CDH23: variants seen among roughly 807,000 people sequenced by gnomAD.
The protein encoded by CDH23 is cadherin-23.
A neutral mutation model predicts 317.1 loss-of-function variants in CDH23; 189 were observed. The observed-to-expected ratio is 0.60, with a 90% CI of 0.53 to 0.67. CDH23 has a LOEUF of 0.67. CDH23 is among the 30% of genes least tolerant of loss of function. The probability of loss-of-function intolerance (pLI) is 0.00; values close to 1 mark genes in which losing one functional copy is unlikely to be tolerated. For synonymous variants in CDH23, 1,839 were observed against 1,876.8 expected (o/e 0.98, Z 0.52); for missense variants, 4,401 against 4,592.4 (o/e 0.96, Z 1.20).
chr10:71,700,313 A>G (rs1446189178), intron 22 of CDH23, among the ~76,000 whole-genome samples: 1 of 152,156 alleles, frequency 6.6e-6, no homozygotes, highest in Non-Finnish European at 1.5e-5. Context: ...CTTGAACCCC[A>G]GAAGTGGAGA....
Position 71,785,113 on chromosome 10 carries a change from C to A in CDH23, c.5712+13C>A. The A allele has an allele frequency of 6.2e-7, 1 of 1,606,402 alleles. No homozygotes were observed. The highest frequency in any genetic ancestry group is 1.1e-5 in the South Asian group (1 of 90,926). The stretch of plus-strand genomic sequence containing the variant: ...CATCAATGCCACGGTAGGGCCTAGA[C>A]TGACCCCAGGGAGCTTCCCAGGGTT... On this transcript the variant is annotated intron_variant, in intron 43 of 69. Coordinates refer to ENST00000224721, the MANE Select transcript of CDH23 (RefSeq NM_022124.6).
intron 38 of CDH23, chr10:71,755,595 C>A (rs1018604919): frequency 7.5e-6 from 6 of 796,472 alleles, no homozygotes; most frequent in East Asian, 2.7e-5. Flanking sequence ...CACAGCTAGA[C>A]CCCCAGCAAC....
At chr10:71,426,730 A>T (rs752739684) in intron 1 of CDH23, among the ~76,000 whole-genome samples, 1 of 152,216 alleles carries the variant, frequency 6.6e-6, no homozygotes, top group Non-Finnish European at 1.5e-5. Context: ...TGTTCTATTG[A>T]TATGTTATTC....
chr10:71,476,155 AG>A (rs754357224), intron 3 of CDH23, among the ~76,000 whole-genome samples: 3 of 152,262 alleles, frequency 2.0e-5, no homozygotes, highest in Admixed American at 6.5e-5. Context: ...CAACAATGCA[AG>A]GGGAGTTTTC....
At chr10:71,672,852 G>A (rs1358902271) in intron 14 of CDH23, among the ~76,000 whole-genome samples, 2 of 152,086 alleles carry the variant, frequency 1.3e-5, no homozygotes, top group Admixed American at 6.5e-5. Context: ...AATTTTGTGG[G>A]GCACCCAGAT....
chr10:71,551,283 T>A (rs1856581996), intron 6 of CDH23, among the ~76,000 whole-genome samples: 1 of 152,252 alleles, frequency 6.6e-6, no homozygotes, highest in African/African-American at 2.4e-5. Context: ...TCCTGCTTAA[T>A]GAACGTCATT....
intron 30 of CDH23, among the ~76,000 whole-genome samples, chr10:71,729,346 A>G (rs908655673): frequency 6.6e-6 from 1 of 152,224 alleles, no homozygotes; most frequent in African/African-American, 2.4e-5. Flanking sequence ...GAAAAGGTGG[A>G]ACAGGGTGCA....
At chr10:71,562,267 A>G (rs1445600451) in intron 6 of CDH23, among the ~76,000 whole-genome samples, 2 of 152,178 alleles carry the variant, frequency 1.3e-5, no homozygotes, top group East Asian at 1.9e-4. Flanking sequence ...TGTGAAGTCC[A>G]TGATCAAGCC....
At chr10:71,632,149 C>A (rs772817679) in intron 11 of CDH23, among the ~76,000 whole-genome samples, 11 of 152,132 alleles carry the variant, frequency 7.2e-5, no homozygotes, top group Non-Finnish European at 1.6e-4. Context: ...AGAAAATAAA[C>A]TATAAATTAT....
At chr10:71,668,073 TAAG>T (rs941966447) in intron 14 of CDH23, among the ~76,000 whole-genome samples, 2 of 152,034 alleles carry the variant, frequency 1.3e-5, no homozygotes, top group African/African-American at 4.8e-5. Context: ...AGTCCTTCTT[TAAG>T]GGTCTGTGGG....
chr10:71,484,590 C>T (rs181715310), intron 3 of CDH23, among the ~76,000 whole-genome samples: 31 of 152,300 alleles, frequency 2.0e-4, no homozygotes, highest in African/African-American at 4.8e-4. Context: ...GGTCAGAGCC[C>T]GGCCCTGCTC....
At chr10:71,500,243 C>T (rs901080744) in intron 3 of CDH23, among the ~76,000 whole-genome samples, 3 of 152,144 alleles carry the variant, frequency 2.0e-5, no homozygotes, top group East Asian at 3.8e-4. Context: ...TAAATATGTA[C>T]AATTATTATG....
At chr10:71,610,821 A>C (rs978260263) in intron 9 of CDH23, among the ~76,000 whole-genome samples, 9 of 150,652 alleles carry the variant, frequency 6.0e-5, no homozygotes, top group Non-Finnish European at 1.2e-4. Context: ...GGCTGCCCCC[A>C]GGAAAACCAG....
At chr10:71,520,559 G>C (rs1477317716) in intron 6 of CDH23, among the ~76,000 whole-genome samples, 1 of 152,198 alleles carries the variant, frequency 6.6e-6, no homozygotes, top group East Asian at 1.9e-4. Context: ...GCTCAGCCCT[G>C]GGCCAGAGGC....
chr10:71,796,310 C>T (rs1475268691), intron 48 of CDH23, among the ~76,000 whole-genome samples: 1 of 152,200 alleles, frequency 6.6e-6, no homozygotes, highest in Non-Finnish European at 1.5e-5. Context: ...GTCCAGTCCC[C>T]GCCCATGCTT....
chr10:71,432,473 G>C (rs1295119569), intron 1 of CDH23, among the ~76,000 whole-genome samples: 1 of 150,732 alleles, frequency 6.6e-6, no homozygotes, highest in East Asian at 2.0e-4. Context: ...GAGTGTGTAG[G>C]TGTGTGTTTG....
intron 3 of CDH23, among the ~76,000 whole-genome samples, chr10:71,471,840 A>G (rs61852456): frequency 0.44 from 66,671 of 151,888 alleles, 15,078 homozygotes; most frequent in East Asian, 0.65. Context: ...CATCCTTGGG[A>G]TCTTTCCTCT....
chr10:71,672,481 A>C (rs1055450917), intron 14 of CDH23, among the ~76,000 whole-genome samples: 1 of 152,052 alleles, frequency 6.6e-6, no homozygotes, highest in African/African-American at 2.4e-5. Flanking sequence ...ACACTTGAAA[A>C]ATGAAGCTCT....
At chr10:71,759,589 C>T (rs1352078400) in intron 38 of CDH23, among the ~76,000 whole-genome samples, 1 of 151,530 alleles carries the variant, frequency 6.6e-6, no homozygotes, top group Non-Finnish European at 1.5e-5. Context: ...GCAGTTAGAT[C>T]ATTTGTCAGT....
Sources: allele counts gnomAD v4.1 joint callset (sites outside exome capture counted in the v4.1 genomes callset), GRCh38; gene constraint gnomAD v4.1.1; transcripts MANE v1.5; gene names NCBI Gene and HGNC (gene_info 2026-07-23, HGNC 2026-07-21).